Variants in PSMD14 observed in about 807,000 individuals in gnomAD.
PSMD14 encodes the protein proteasome 26S subunit, non-ATPase 14, also known as ubiquitin C-terminal hydrolase PSMD14.
A neutral mutation model predicts 41.2 loss-of-function variants in PSMD14; 7 were observed. The ratio of observed to expected loss-of-function variants is 0.17; its 90% CI spans 0.10 to 0.32. The LOEUF (loss-of-function observed/expected upper bound fraction) is 0.32, where lower values mean the gene tolerates loss of function less well. Ranked by LOEUF, PSMD14 falls within the 10% of genes least tolerant of loss-of-function variation. The pLI is 1.00. For synonymous variants in PSMD14, 114 were observed against 122.3 expected, an observed-to-expected ratio of 0.93 and a Z score of 0.45; for missense variants, 139 against 375.6, an observed-to-expected ratio of 0.37 and a Z score of 5.21.
intron 3 of PSMD14, among the ~76,000 whole-genome samples, chr2:161,327,821 A>C (rs1682721865): frequency 6.6e-6 from 1 of 152,124 alleles, no homozygotes; most frequent in South Asian, 2.1e-4. Context: ...TTATGAAAAG[A>C]TAGTCAGTGT....
At chr2:161,362,769 G>A (rs1410667120) in intron 3 of PSMD14, among the ~76,000 whole-genome samples, 3 of 152,070 alleles carry the variant, frequency 2.0e-5, no homozygotes, top group Non-Finnish European at 2.9e-5. Flanking sequence ...TACTCGTATG[G>A]TTTTAGACAT....
chr2:161,342,408 C>T (rs771520087), intron 3 of PSMD14, among the ~76,000 whole-genome samples: 2 of 151,902 alleles, frequency 1.3e-5, no homozygotes, highest in African/African-American at 2.4e-5. Flanking sequence ...GATTATATGA[C>T]TCCTTTGTTG....
intron 8 of PSMD14, among the ~76,000 whole-genome samples, chr2:161,389,344 G>A (rs1285600104): frequency 6.6e-6 from 1 of 152,164 alleles, no homozygotes; most frequent in African/African-American, 2.4e-5. Context: ...CTGCTTAGAG[G>A]ACTGAGCACC....
At chr2:161,325,359 C>G (rs926814771) in intron 3 of PSMD14, among the ~76,000 whole-genome samples, 1 of 152,114 alleles carries the variant, frequency 6.6e-6, no homozygotes, top group Non-Finnish European at 1.5e-5. Context: ...GTTATAACTC[C>G]CAAATCCTCA....
chr2:161,352,625 C>T (rs1004128046), intron 3 of PSMD14, among the ~76,000 whole-genome samples: 1 of 152,094 alleles, frequency 6.6e-6, no homozygotes, highest in African/African-American at 2.4e-5. Flanking sequence ...CATCCAGTTT[C>T]CCAAGTCTAT....
intron 8 of PSMD14, among the ~76,000 whole-genome samples, chr2:161,386,145 A>T: frequency 6.6e-6 from 1 of 151,858 alleles, no homozygotes; most frequent in East Asian, 1.9e-4. Context: ...TCAGACACTT[A>T]ATATCCTCTT....
intron 7 of PSMD14, among the ~76,000 whole-genome samples, chr2:161,374,801 T>G (rs1377173961): frequency 6.6e-6 from 1 of 151,948 alleles, no homozygotes; most frequent in African/African-American, 2.4e-5. Flanking sequence ...GCAAAAAGAA[T>G]GGTCACTTTG....
intron 3 of PSMD14, among the ~76,000 whole-genome samples, chr2:161,365,948 C>A (rs1305216142): frequency 6.6e-6 from 1 of 152,154 alleles, no homozygotes; most frequent in Non-Finnish European, 1.5e-5. Context: ...ACTACTACTT[C>A]CCCCAAACCT....
intron 10 of PSMD14, among the ~76,000 whole-genome samples, chr2:161,404,140 A>G (rs1053579026): frequency 1.3e-5 from 2 of 151,734 alleles, no homozygotes; most frequent in African/African-American, 4.8e-5. Flanking sequence ...TCCTGGCCTC[A>G]AGTGATGCTT....
rs1490532426 is a variant in PSMD14, at chr2:161,384,828, C to T, written c.463-636C>T. 2.0e-5 allele frequency: 3 copies of T among 151,866 alleles called. No homozygotes were observed. The East Asian group carries it at 5.8e-4, about 29-fold the overall frequency. 9.4% of individuals were successfully genotyped at this position (151,866 alleles called of 1,614,324 possible). A position where few individuals can be genotyped will look rare whatever the true frequency, so the allele number is the denominator to read the frequency against. The stretch of plus-strand genomic sequence containing the variant: ...CCATGAATTTAGGACCATATCATTC[C>T]ATACCATTTTCTTGGCTTAAAGCAT... On this transcript the variant is annotated intron_variant, in intron 7 of 11. Coordinates refer to ENST00000409682, the MANE Select transcript of PSMD14 (RefSeq NM_005805.6).
intron 3 of PSMD14, among the ~76,000 whole-genome samples, chr2:161,328,584 A>G (rs1467419037): frequency 6.6e-6 from 1 of 152,114 alleles, no homozygotes; most frequent in Non-Finnish European, 1.5e-5. Context: ...TAAGTACTGG[A>G]AATGTGACTG....
intron 3 of PSMD14, among the ~76,000 whole-genome samples, chr2:161,343,426 T>G (rs1473162637): frequency 6.6e-6 from 1 of 152,268 alleles, no homozygotes; most frequent in African/African-American, 2.4e-5. Context: ...TTCCATTGTA[T>G]GTATGCATAC....
chr2:161,347,040 A>G (rs1228419019), intron 3 of PSMD14, among the ~76,000 whole-genome samples: 1 of 152,044 alleles, frequency 6.6e-6, no homozygotes, highest in East Asian at 1.9e-4. Flanking sequence ...CAGCTCTGTC[A>G]TCTCAACTCA....
At chr2:161,314,374 A>T (rs1689125534) in intron 1 of PSMD14, among the ~76,000 whole-genome samples, 1 of 152,226 alleles carries the variant, frequency 6.6e-6, no homozygotes, top group Non-Finnish European at 1.5e-5. Context: ...ACACTTTAAA[A>T]AATAATCTAT....
chr2:161,355,837 C>T (rs1352656852), intron 3 of PSMD14, among the ~76,000 whole-genome samples: 11 of 152,160 alleles, frequency 7.2e-5, no homozygotes, highest in African/African-American at 2.7e-4. Context: ...GATCCGCAAA[C>T]AGAAATGTAA....
At chr2:161,389,816 C>T (rs1303594852) in intron 8 of PSMD14, among the ~76,000 whole-genome samples, 1 of 150,126 alleles carries the variant, frequency 6.7e-6, no homozygotes, top group Non-Finnish European at 1.5e-5. Context: ...AGGTTCAGAT[C>T]CCCATCTAGC....
intron 9 of PSMD14, among the ~76,000 whole-genome samples, chr2:161,393,517 T>C (rs1683744033): frequency 2.6e-5 from 4 of 152,170 alleles, no homozygotes; most frequent in South Asian, 2.1e-4. Context: ...GACAGGCAGC[T>C]TATTTTCCAA....
intron 8 of PSMD14, among the ~76,000 whole-genome samples, chr2:161,389,912 T>TTTTA (rs1299369817): frequency 3.8e-5 from 5 of 130,288 alleles, no homozygotes; most frequent in African/African-American, 1.6e-4. Context: ...TTTTTTTTTT[T>TTTTA]AGAGATGGGG....
chr2:161,312,603 G>GT (rs1219875522), intron 1 of PSMD14, among the ~76,000 whole-genome samples: 2 of 152,140 alleles, frequency 1.3e-5, no homozygotes, highest in Non-Finnish European at 2.9e-5. Flanking sequence ...AAATATTATT[G>GT]TATGTATGAC....
Sources: gnomAD v4.1 joint callset for allele counts (sites outside exome capture counted in the v4.1 genomes callset) on GRCh38, gnomAD v4.1.1 for gene constraint, MANE v1.5 for transcripts, NCBI Gene and HGNC (gene_info 2026-07-23, HGNC 2026-07-21) for gene names.